SLC15A5: variants seen among roughly 807,000 people sequenced by gnomAD.
The protein encoded by SLC15A5 is Peptide/histidine transporter ENSP00000340402.
In SLC15A5, 58 loss-of-function variants were observed where a neutral mutation model predicts 56.1. That is an observed-to-expected ratio of 1.03 (90% confidence interval 0.84 to 1.29). The LOEUF (loss-of-function observed/expected upper bound fraction) is 1.29, where lower values mean the gene tolerates loss of function less well. Ranked by LOEUF, SLC15A5 falls within the 50% of genes most tolerant of loss-of-function variation. SLC15A5 has a pLI of 0.00. For synonymous variants in SLC15A5, 264 were observed against 250.5 expected (o/e 1.05, Z -0.51); for missense variants, 681 against 672.1 (o/e 1.01, Z -0.15).
chr12:16,190,094 C>A (rs983874832), intron 8 of SLC15A5, among the ~76,000 whole-genome samples: 2 of 152,180 alleles, frequency 1.3e-5, no homozygotes, highest in Non-Finnish European at 2.9e-5. Context: ...GGTGAGAAGG[C>A]TGAAAGCCTA....
chr12:16,238,489 G>A (rs1036754323), intron 5 of SLC15A5, among the ~76,000 whole-genome samples: 5 of 151,960 alleles, frequency 3.3e-5, no homozygotes, highest in African/African-American at 1.2e-4. Context: ...AATTAGCCAG[G>A]CGTGGTGGTG....
At chr12:16,249,280 T>TA (rs1864497001) in intron 3 of SLC15A5, among the ~76,000 whole-genome samples, 1 of 152,154 alleles carries the variant, frequency 6.6e-6, no homozygotes. Context: ...AGGTAGCATA[T>TA]AAAAAATCAT....
intron 5 of SLC15A5, among the ~76,000 whole-genome samples, chr12:16,230,757 CAAAAA>C (rs59876940): frequency 4.6e-5 from 6 of 129,592 alleles, no homozygotes; most frequent in African/African-American, 6.0e-5. Flanking sequence ...ACTAAAAATA[CAAAAA>C]AAAAAAAAAA....
chr12:16,241,230 G>T (rs1799501), intron 4 of SLC15A5, among the ~76,000 whole-genome samples: 143,682 of 152,276 alleles, frequency 0.94, 67,878 homozygotes, highest in East Asian at 0.99. Context: ...CTCCAAACTC[G>T]TATGGTACAA....
intron 5 of SLC15A5, among the ~76,000 whole-genome samples, chr12:16,234,041 A>T (rs1006969392): frequency 6.6e-6 from 1 of 152,158 alleles, no homozygotes; most frequent in African/African-American, 2.4e-5. Flanking sequence ...AAAGAATAGA[A>T]ATTTCTTTTC....
At chr12:16,265,192 G>T (rs1408115478) in intron 2 of SLC15A5, among the ~76,000 whole-genome samples, 3 of 152,128 alleles carry the variant, frequency 2.0e-5, no homozygotes, top group Non-Finnish European at 4.4e-5. Context: ...TTGTAGCAAG[G>T]TATGGAGAAA....
At chr12:16,205,565 AAGAAGGGAAAGGTG>A (rs1388760523) in intron 7 of SLC15A5, among the ~76,000 whole-genome samples, 4 of 6,772 alleles carry the variant, frequency 5.9e-4, no homozygotes, top group Non-Finnish European at 1.0e-3. Context: ...TATATTCCAT[AAGAAGGGAAAGGTG>A]CATATATATA....
rs747086674 is a variant in SLC15A5 at position 16,199,170 on chromosome 12, C to A, written c.1484-4717G>T. Reference sequence around the variant, plus strand: ...CTTTGTTACTACAAAGCCTGCCCCCCACAGACCCTGCTTGTTCACTGTATG... The same window carrying A: ...CTTTGTTACTACAAAGCCTGCCCCCAACAGACCCTGCTTGTTCACTGTATG... On this transcript the variant is annotated intron_variant, in intron 7 of 8. Coordinates refer to ENST00000344941, the MANE Select transcript of SLC15A5 (RefSeq NM_001170798.1). Among the ~76,000 whole-genome samples, 17 of 152,012 alleles carry A rather than the reference C, an allele frequency of 1.1e-4. 1 individual carries two copies. The highest frequency in any genetic ancestry group is 9.8e-4 in the Admixed American group (15 of 15,242).
intron 6 of SLC15A5, among the ~76,000 whole-genome samples, chr12:16,220,775 T>C (rs1864178944): frequency 6.6e-6 from 1 of 152,102 alleles, no homozygotes; most frequent in African/African-American, 2.4e-5. Context: ...TCTCCACTAC[T>C]CAACCACAGA....
At chr12:16,223,809 G>A (rs899033110) in intron 6 of SLC15A5, among the ~76,000 whole-genome samples, 4 of 142,968 alleles carry the variant, frequency 2.8e-5, no homozygotes, top group Non-Finnish European at 6.1e-5. Flanking sequence ...TCCGCCTCCC[G>A]GGTTCAAGTG....
intron 5 of SLC15A5, among the ~76,000 whole-genome samples, chr12:16,236,567 A>G (rs1479397031): frequency 2.0e-5 from 3 of 152,180 alleles, no homozygotes; most frequent in Non-Finnish European, 4.4e-5. Flanking sequence ...ATAAAAAAGT[A>G]AGTTGATTTT....
rs142792943 is a variant in SLC15A5, at chr12:16,255,764, A to G, written c.754+1937T>C. Among the ~76,000 whole-genome samples, 771 of 151,812 alleles carry G rather than the reference A, an allele frequency of 5.1e-3. 10 individuals carry two copies. Among genetic ancestry groups the G allele is most frequent in the African/African-American group, 0.017 (710 of 41,494 alleles). On this transcript the variant is annotated intron_variant, in intron 3 of 8. Transcript: ENST00000344941. ...TGTTACACGATGAATATACAATTATAAAATGATCCCTAAACTATACTAAGT... is the reference window on the plus strand; with the variant it reads ...TGTTACACGATGAATATACAATTATGAAATGATCCCTAAACTATACTAAGT...
chr12:16,240,612 T>A (rs746674773), intron 4 of SLC15A5, among the ~76,000 whole-genome samples: 1 of 152,160 alleles, frequency 6.6e-6, no homozygotes, highest in Non-Finnish European at 1.5e-5. Flanking sequence ...CAATGTATTG[T>A]TAGAATTTCT....
intron 2 of SLC15A5, 72 bp downstream of exon 2, chr12:16,272,489 C>T (rs1671483): frequency 0.21 from 291,935 of 1,399,002 alleles, 34,675 homozygotes; most frequent in African/African-American, 0.48. Context: ...CAACTACTAC[C>T]CAAATGGAAT....
rs935577169 is a variant in SLC15A5 at position 16,196,631 on chromosome 12, G to T, written c.1484-2178C>A. ...CACATCAGCACTTTGCATGTCATGC[G>T]ATTATACCTTTTTATCACCATGTTT... is the stretch of plus-strand genomic sequence containing the variant. On this transcript the variant is annotated intron_variant, in intron 7 of 8. Transcript: ENST00000344941. The surrounding 1 kb of genome is among the most constrained non-coding windows in gnomAD (Gnocchi z 4.0). Among the ~76,000 whole-genome samples, 1 of 151,942 alleles carries T rather than the reference G, an allele frequency of 6.6e-6. No individual in the cohort carries two copies. The highest frequency in any genetic ancestry group is 2.4e-5 in the African/African-American group (1 of 41,352).
At position 16,244,706 on chromosome 12, in the gene SLC15A5, C is replaced by T. The variant is rs1478068255; in HGVS notation, c.849G>A (p.Gln283=). The T allele has an allele frequency of 3.3e-6, 5 of 1,537,504 alleles. No individual in the cohort carries two copies. Among genetic ancestry groups the T allele is most frequent in the Non-Finnish European group, 4.4e-6 (5 of 1,147,014 alleles). ...YCHLGRDVTS[Q]LDHAKEKNGG... ...CATTTTTTTCTTTGGCATGGTCTAA[C>T]TGGCTTGTCACGTCTCTGCCAAGAT... The change falls in exon 4 of 9, where the codon CAG becomes CAA. Residue 283 remains glutamine, a synonymous_variant. Coordinates refer to ENST00000344941, the MANE Select transcript of SLC15A5 (RefSeq NM_001170798.1).
chr12:16,257,682 T>C lies in SLC15A5; in HGVS notation c.754+19A>G. 2 of 1,425,276 alleles carry C rather than the reference T, an allele frequency of 1.4e-6. No homozygotes were observed. Among genetic ancestry groups the C allele is most frequent in the Non-Finnish European group, 1.8e-6 (2 of 1,093,512 alleles). The allele number at this position is 1,425,276 out of a possible 1,614,324, so 88.3% of individuals were successfully genotyped here. On this transcript the variant is annotated intron_variant, in intron 3 of 8. Transcript: ENST00000344941. ...AACAATATAAACCCAGAAATCAATG[T>C]AACGCATAATTTACTTACGTTTTTC... is the stretch of plus-strand genomic sequence containing the variant.
chr12:16,277,380 A>C lies in SLC15A5; in HGVS notation c.306T>G (p.Asp102Glu). 6.5e-7 allele frequency: 1 copy of C among 1,536,304 alleles called. No homozygotes were observed. Among genetic ancestry groups the C allele is most frequent in the Non-Finnish European group, 8.7e-7 (1 of 1,146,292 alleles). ...LTPVFVRWLT[D>E]VYLGRNKLVY... ...CCAGTTTGTTTCTTCCTAAATAGAC[A>C]TCAGTGAGCCATCTGACAAACACAG... The change falls in exon 1 of 9, where the codon GAT (aspartate) becomes GAG (glutamate). Residue 102 changes from aspartate (D) to glutamate (E), a missense_variant. Transcript: ENST00000344941.
chr12:16,188,588 C>G lies in SLC15A5; in HGVS notation c.*1080G>C, dbSNP rs1863810555. 6.6e-6 allele frequency: 1 copy of G among 152,206 alleles called. No homozygotes were observed. The highest frequency in any genetic ancestry group is 1.5e-5 in the Non-Finnish European group (1 of 68,048). The allele number at this position is 152,206 out of a possible 1,614,324, so 9.4% of individuals were successfully genotyped here. On this transcript the variant is annotated 3_prime_UTR_variant, in exon 9 of 9. Coordinates refer to ENST00000344941, the MANE Select transcript of SLC15A5 (RefSeq NM_001170798.1). ...ATTTGCAGTCAGCTGATAAACTCAC[C>G]TGTCCTATCCAACATGAATTGTCCT...
Sources: allele counts gnomAD v4.1 joint callset (sites outside exome capture counted in the v4.1 genomes callset), GRCh38; gene constraint gnomAD v4.1.1; non-coding constraint Gnocchi (gnomAD v3.1); transcripts MANE v1.5; gene names NCBI Gene and HGNC (gene_info 2026-07-23, HGNC 2026-07-21).